The following FER variants were observed in gnomAD, a reference collection of about 807,000 sequenced individuals.
FER encodes tyrosine-protein kinase Fer.
In FER, 63 loss-of-function variants were observed where a neutral mutation model predicts 111.0. The observed-to-expected ratio is 0.57, with a 90% CI of 0.46 to 0.70. FER has a LOEUF of 0.70. Among genes scored for constraint, FER ranks in the 30% least tolerant of loss-of-function variants. FER has a pLI of 0.00. For missense variants in FER, 914 were observed against 954.0 expected (o/e 0.96, Z 0.55); for synonymous variants, 327 against 313.9 (o/e 1.04, Z -0.44).
intron 2 of FER, chr5:108,785,168 A>G (rs1346479915): frequency 9.8e-6 from 6 of 612,502 alleles, no homozygotes; most frequent in Non-Finnish European, 1.7e-5. Context: ...GACCAACCAC[A>G]TTGGCCACAC....
rs547110924 is a variant in FER at position 108,899,429 on chromosome 5, C to A, written c.1236+1581C>A. Among the ~76,000 whole-genome samples the A allele has an allele frequency of 7.2e-5, 11 of 152,152 alleles. No homozygotes were observed. In the South Asian group the frequency reaches 2.1e-3, roughly 29 times the overall value. On this transcript the variant is annotated intron_variant, in intron 10 of 19. Transcript: ENST00000281092. Reference sequence around the variant, plus strand: ...TTCCTTTTGTTTGGCTTTGGAATATCTTATCTAGTAAATCTTTTGTTCACT... The same window carrying A: ...TTCCTTTTGTTTGGCTTTGGAATATATTATCTAGTAAATCTTTTGTTCACT...
chr5:108,959,456 A>AAAAG (rs10638158), intron 13 of FER, 109 bp downstream of exon 13: 105,128 of 1,104,742 alleles, frequency 0.095, 6,784 homozygotes, highest in African/African-American at 0.25. Context: ...AGTTCAGAAA[A>AAAAG]AAAGTTTTGT....
chr5:109,154,894 C>T (rs937653808), intron 17 of FER, among the ~76,000 whole-genome samples: 1 of 151,800 alleles, frequency 6.6e-6, no homozygotes, highest in Non-Finnish European at 1.5e-5. Flanking sequence ...TCAGTGGCTT[C>T]GTGTATAAAA....
chr5:109,051,089 A>G (rs1472194820), intron 16 of FER, among the ~76,000 whole-genome samples: 1 of 152,270 alleles, frequency 6.6e-6, no homozygotes. Context: ...CCACTACTTT[A>G]AATACCAATA....
chr5:108,879,697 A>ATATATAT (rs1554084588), intron 8 of FER, among the ~76,000 whole-genome samples: 1 of 96,050 alleles, frequency 1.0e-5, no homozygotes, highest in Admixed American at 9.5e-5. Context: ...TTAGATTAAA[A>ATATATAT]AAAAATATAT....
chr5:108,998,186 A>G lies in FER; in HGVS notation c.1656+38839A>G, dbSNP rs1428921378. Among the ~76,000 whole-genome samples the G allele has an allele frequency of 4.0e-5, 6 of 150,352 alleles. No homozygotes were observed. In the East Asian group the frequency reaches 9.7e-4, roughly 24 times the overall value. On this transcript the variant is annotated intron_variant, in intron 13 of 19. Coordinates refer to ENST00000281092, the MANE Select transcript of FER (RefSeq NM_005246.4). Reference sequence around the variant, plus strand: ...GTTCCAGGCACCACCGGGGTATGAAAAAAAAAAAAAAAAAAAAAACTCTTG... The same window carrying G: ...GTTCCAGGCACCACCGGGGTATGAAGAAAAAAAAAAAAAAAAAAACTCTTG...
intron 1 of FER, among the ~76,000 whole-genome samples, chr5:108,750,102 T>C (rs945446933): frequency 4.6e-5 from 7 of 152,344 alleles, no homozygotes; most frequent in East Asian, 3.9e-4. Flanking sequence ...TGTAAAGGTG[T>C]ACTCCATTTT....
At chr5:108,866,125 A>C (rs932810482) in intron 5 of FER, among the ~76,000 whole-genome samples, 9 of 152,252 alleles carry the variant, frequency 5.9e-5, no homozygotes, top group Non-Finnish European at 1.2e-4. Flanking sequence ...TGCTATAAAG[A>C]CACATGCACA....
At chr5:109,081,016 A>G (rs1196149574) in intron 16 of FER, among the ~76,000 whole-genome samples, 11 of 152,148 alleles carry the variant, frequency 7.2e-5, no homozygotes, top group Admixed American at 6.6e-4. Context: ...GAACCCAGAG[A>G]TGGTGGTTAA....
intron 17 of FER, among the ~76,000 whole-genome samples, chr5:109,135,137 A>G (rs762027044): frequency 1.3e-5 from 2 of 152,360 alleles, no homozygotes; most frequent in African/African-American, 2.4e-5. Flanking sequence ...TACCTGTGGA[A>G]CACAAAGTCA....
At chr5:109,162,401 C>G (rs1056428908) in intron 17 of FER, among the ~76,000 whole-genome samples, 1 of 151,930 alleles carries the variant, frequency 6.6e-6, no homozygotes, top group South Asian at 2.1e-4. Context: ...TTTACTTGTA[C>G]TGTGTTACCA....
intron 14 of FER, among the ~76,000 whole-genome samples, chr5:109,042,293 C>G (rs1233504122): frequency 2.6e-5 from 4 of 152,026 alleles, no homozygotes; most frequent in Non-Finnish European, 4.4e-5. Context: ...CTTTTTGTCT[C>G]ACCCCTTGCA....
Position 109,191,764 on chromosome 5 carries a change from T to C in FER, c.*4189T>C, listed in dbSNP as rs552456098. ...TAAATATTTTAATTTCATTTATTTT[T>C]CTATGTTTTGATTAGTTTCACATCA... On this transcript the variant is annotated 3_prime_UTR_variant, in exon 20 of 20. Transcript: ENST00000281092. 15 of 152,324 alleles carry C rather than the reference T, an allele frequency of 9.8e-5. No individual in the cohort carries two copies. Among genetic ancestry groups the C allele is most frequent in the Admixed American group, 9.8e-4 (15 of 15,296 alleles). 9.4% of individuals were successfully genotyped at this position (152,324 alleles called of 1,614,324 possible). A position where few individuals can be genotyped will look rare whatever the true frequency, so the allele number is the denominator to read the frequency against.
At chr5:108,785,540 T>C (rs1754610886) in intron 2 of FER, 2 of 542,926 alleles carry the variant, frequency 3.7e-6, no homozygotes, top group Non-Finnish European at 7.3e-6. Flanking sequence ...GCAGGTGACA[T>C]GGGCACCTGC....
chr5:109,095,603 A>C (rs1450095562), intron 16 of FER, among the ~76,000 whole-genome samples: 2 of 152,056 alleles, frequency 1.3e-5, no homozygotes, highest in African/African-American at 4.8e-5. Context: ...TATTGTATGA[A>C]ATCTATTCTG....
chr5:109,186,820 A>G (rs954115959), intron 19 of FER, among the ~76,000 whole-genome samples: 1 of 152,182 alleles, frequency 6.6e-6, no homozygotes, highest in African/African-American at 2.4e-5. Flanking sequence ...CAGTCTCGAC[A>G]AAAAGAAAGC....
intron 3 of FER, among the ~76,000 whole-genome samples, chr5:108,822,776 T>G (rs1242655984): frequency 6.7e-6 from 1 of 149,080 alleles, no homozygotes; most frequent in Non-Finnish European, 1.5e-5. Flanking sequence ...TATTTTATTT[T>G]ATGTTATTTT....
At chr5:108,768,357 G>A (rs1309934433) in intron 2 of FER, 119 bp downstream of exon 2, 1 of 152,180 alleles carries the variant, frequency 6.6e-6, no homozygotes, top group African/African-American at 2.4e-5. Flanking sequence ...TACTGTCTAT[G>A]TAGGCTGTTA....
In FER at chr5:108,787,151, C is replaced by A. The variant is rs77532321; in HGVS notation, c.-59-10973C>A. Among the ~76,000 whole-genome samples the A allele has an allele frequency of 3.3e-5, 5 of 152,274 alleles. No individual in the cohort carries two copies. The East Asian group carries it at 7.7e-4, about 24-fold the overall frequency. On this transcript the variant is annotated intron_variant, in intron 2 of 19. Coordinates refer to ENST00000281092, the MANE Select transcript of FER (RefSeq NM_005246.4). ...GGCTTGAAAGTGCCTGCTCTCACCC[C>A]CTGGCCTCTCCCTGCTTCTGGCGCC...
Sources: allele counts gnomAD v4.1 joint callset (sites outside exome capture counted in the v4.1 genomes callset), GRCh38; gene constraint gnomAD v4.1.1; transcripts MANE v1.5; gene names NCBI Gene and HGNC (gene_info 2026-07-23, HGNC 2026-07-21).